AMHR2: variants seen among roughly 807,000 people sequenced by gnomAD.
AMHR2 encodes the protein anti-Muellerian hormone type-2 receptor.
Under a neutral mutation model 61.4 loss-of-function variants are expected in AMHR2, and 36 were observed. The observed-to-expected ratio is 0.59, with a 90% CI of 0.45 to 0.77. The LOEUF (loss-of-function observed/expected upper bound fraction) is 0.77. AMHR2 is among the 30% of genes least tolerant of loss of function. The pLI, the probability that AMHR2 is intolerant of heterozygous loss-of-function variation, is 0.00. For synonymous variants in AMHR2, 258 were observed against 279.4 expected, an observed-to-expected ratio of 0.92 and a Z score of 0.76; for missense variants, 638 against 714.6, an observed-to-expected ratio of 0.89 and a Z score of 1.22.
At chr12:53,429,369 G>A (rs891133200) in intron 7 of AMHR2, 84 bp from the exon 8 acceptor site, 141 of 1,453,848 alleles carry the variant, frequency 9.7e-5, no homozygotes, top group Non-Finnish European at 1.3e-4. Flanking sequence ...TCCAGCCTGG[G>A]CGACAGAGCG....
chr12:53,425,863 G>C lies in AMHR2; in HGVS notation c.796G>C (p.Gly266Arg), dbSNP rs1252732146. 1.9e-6 allele frequency: 3 copies of C among 1,614,022 alleles called. No individual in the cohort carries two copies. Among genetic ancestry groups the C allele is most frequent in the East Asian group, 4.5e-5 (2 of 44,894 alleles). The change falls in exon 6 of 11, where the codon GGG (glycine) becomes CGG (arginine). Residue 266 changes from glycine to arginine, a missense_variant. Physicochemically the swap from Gly to Arg is moderately radical, Grantham distance 125. Coordinates refer to ENST00000257863, the MANE Select transcript of AMHR2 (RefSeq NM_020547.3). The stretch of plus-strand genomic sequence containing the variant: ...TGTCCGATTTATCACTGCCAGCCGG[G>C]GGGGTCCTGGCCGCCTGCTCTCTGG... ...HIVRFITASR[G>R]GPGRLLSGPL... is the part of the protein sequence containing the mutation.
At chr12:53,431,047 A>C (rs558829358) in intron 10 of AMHR2, 130 bp from the exon 11 acceptor site, 69 of 1,181,086 alleles carry the variant, frequency 5.8e-5, no homozygotes, top group Non-Finnish European at 8.1e-5. Context: ...GAGGGAGAGG[A>C]GGGAGGCTCC....
chr12:53,429,368 G>A (rs1939904561), intron 7 of AMHR2, 85 bp from the exon 8 acceptor site: 3 of 1,449,058 alleles, frequency 2.1e-6, no homozygotes, highest in African/African-American at 2.8e-5. Flanking sequence ...CTCCAGCCTG[G>A]GCGACAGAGC....
In AMHR2 at chr12:53,424,803, C is replaced by T. The variant is rs147584433; in HGVS notation, c.327C>T (p.Cys109=). 17 of 1,613,960 alleles carry T rather than the reference C, an allele frequency of 1.1e-5. No homozygotes were observed. The African/African-American group carries it at 2.0e-4, about 19-fold the overall frequency. ...HPSPGSTLFT[C]SCGTDFCNAN... is the part of the protein sequence containing the mutation. Reference sequence around the variant, plus strand: ...GCCCTGGCTCCACTCTCTTCACCTGCTCCTGTGGCACTGACTTCTGCAATG... The same window carrying T: ...GCCCTGGCTCCACTCTCTTCACCTGTTCCTGTGGCACTGACTTCTGCAATG... Residue 109 remains cysteine (C), a synonymous_variant, in exon 3 of 11, where the codon TGC becomes TGT. Transcript: ENST00000257863.
Position 53,425,534 on chromosome 12 carries a change from T to C in AMHR2, c.582T>C (p.Ser194=), listed in dbSNP as rs115935733. The C allele has an allele frequency of 2.5e-6, 4 of 1,612,956 alleles. No individual in the cohort carries two copies. The highest frequency in any genetic ancestry group is 3.4e-6 in the Non-Finnish European group (4 of 1,179,752). ...EPRPDSGRDW[S]VELQELPELC... The stretch of plus-strand genomic sequence containing the variant: ...GGCCAGACTCAGGCAGGGACTGGAG[T>C]GTGGAGCTGCAGGAGCTGCCTGAGC... The change falls in exon 5 of 11, where the codon AGT becomes AGC. Residue 194 remains serine (S), a synonymous_variant. Transcript: ENST00000257863.
At chr12:53,429,151 G>A (rs1347881058) in intron 7 of AMHR2, 141 bp downstream of exon 7, 1 of 838,736 alleles carries the variant, frequency 1.2e-6, no homozygotes, top group African/African-American at 1.7e-5. Flanking sequence ...CCAGCACTTT[G>A]GGAGGCCGAG....
chr12:53,425,318 C>G, intron 4 of AMHR2, 76 bp downstream of exon 4: 4 of 1,608,058 alleles, frequency 2.5e-6, no homozygotes, highest in Non-Finnish European at 3.4e-6. Flanking sequence ...CCAGGCACCC[C>G]TGACCCCATG....
At position 53,424,255 on chromosome 12, in the gene AMHR2, T is replaced by C. The variant is rs760164737; in HGVS notation, c.50-33T>C. 7 of 1,612,054 alleles carry C rather than the reference T, an allele frequency of 4.3e-6. No individual in the cohort carries two copies. The South Asian group carries it at 7.7e-5, about 18-fold the overall frequency. On this transcript the variant is annotated intron_variant, in intron 1 of 10. Coordinates refer to ENST00000257863, the MANE Select transcript of AMHR2 (RefSeq NM_020547.3). ...TTTGCCTCTGCATTCACTCCCACCT[T>C]GAATCTTTTCCTTTCCCCACCCTGG...
At chr12:53,424,638 T>C in intron 2 of AMHR2, 71 bp from the exon 3 acceptor site, 1 of 1,551,106 alleles carries the variant, frequency 6.4e-7, no homozygotes, top group Middle Eastern at 1.7e-4. Context: ...TTACCCTCTG[T>C]TTCCACACCC....
At chr12:53,424,108 A>G in intron 1 of AMHR2, 125 bp downstream of exon 1, 2 of 1,340,178 alleles carry the variant, frequency 1.5e-6, no homozygotes, top group Non-Finnish European at 2.1e-6. Context: ...TGAAGGATAG[A>G]GCCATGTGTC....
intron 6 of AMHR2, among the ~76,000 whole-genome samples, chr12:53,426,542 G>T (rs932691673): frequency 6.6e-6 from 1 of 151,250 alleles, no homozygotes; most frequent in Non-Finnish European, 1.5e-5. Flanking sequence ...AGGAGCACCT[G>T]AGCCTGGGGA....
At chr12:53,429,349 G>C in intron 7 of AMHR2, 104 bp from the exon 8 acceptor site, 4 of 1,279,810 alleles carry the variant, frequency 3.1e-6, no homozygotes, top group Non-Finnish European at 4.5e-6. Context: ...CCGAGATCGC[G>C]ACACTGCACT....
chr12:53,425,569 C>G lies in AMHR2; in HGVS notation c.617C>G (p.Ser206Cys), dbSNP rs200459389. Reference sequence around the variant, plus strand: ...CAGGAGCTGCCTGAGCTGTGTTTCTCCCAGGTGCCCCAGGGAGGGAGAGAA... The same window carrying G: ...CAGGAGCTGCCTGAGCTGTGTTTCTGCCAGGTGCCCCAGGGAGGGAGAGAA... ...ELQELPELCF[S>C]QVIREGGHAV... is the part of the protein sequence containing the mutation. The change falls in exon 5 of 11, where the codon TCC becomes TGC. Residue 206 changes from serine to cysteine, a missense_variant. Coordinates refer to ENST00000257863, the MANE Select transcript of AMHR2 (RefSeq NM_020547.3). 5.6e-6 allele frequency: 9 copies of G among 1,613,870 alleles called. No individual in the cohort carries two copies. The South Asian group carries it at 8.8e-5, about 16-fold the overall frequency.
chr12:53,424,760 G>T lies in AMHR2; in HGVS notation c.284G>T (p.Ser95Ile). ...TGTGAGTCCCTCCACTGTGACCCAA[G>T]TCCCCGAGCCCACCCCAGCCCTGGC... is the stretch of plus-strand genomic sequence containing the variant. Reference protein sequence around the residue: ...PGCESLHCDPSPRAHPSPGST... With the variant: ...PGCESLHCDPIPRAHPSPGST... The change falls in exon 3 of 11, where the codon AGT becomes ATT. Residue 95 changes from serine (S) to isoleucine (I), a missense_variant. Ser to Ile is a moderately radical substitution (Grantham distance 142). Coordinates refer to ENST00000257863, the MANE Select transcript of AMHR2 (RefSeq NM_020547.3). The T allele has an allele frequency of 6.2e-7, 1 of 1,613,738 alleles. No homozygotes were observed. Among genetic ancestry groups the T allele is most frequent in the Non-Finnish European group, 8.5e-7 (1 of 1,179,892 alleles).
At chr12:53,431,155 T>G (rs1027677935) in intron 10 of AMHR2, 22 bp from the exon 11 acceptor site, 22 of 1,613,408 alleles carry the variant, frequency 1.4e-5, no homozygotes, top group Non-Finnish European at 1.9e-5. Context: ...GGTCAACCCT[T>G]CCTCCCTGTC....
At chr12:53,430,422 C>G (rs1157193906) in intron 10 of AMHR2, 140 bp downstream of exon 10, 21 of 1,339,176 alleles carry the variant, frequency 1.6e-5, no homozygotes, top group South Asian at 1.5e-4. Flanking sequence ...TCAGCTGGAA[C>G]TGGGCAAGCC....
At position 53,424,830 on chromosome 12, in the gene AMHR2, C is replaced by T. The variant is rs1939403351; in HGVS notation, c.354C>T (p.Ala118=). 2 of 1,613,998 alleles carry T rather than the reference C, an allele frequency of 1.2e-6. No homozygotes were observed. Among genetic ancestry groups the T allele is most frequent in the Non-Finnish European group, 1.7e-6 (2 of 1,179,990 alleles). The change falls in exon 3 of 11, where the codon GCC becomes GCT. Residue 118 remains alanine, a synonymous_variant. Transcript: ENST00000257863. ...TCSCGTDFCN[A]NYSHLPPPGS... is the part of the protein sequence containing the mutation. ...CCTGTGGCACTGACTTCTGCAATGCCAATTACAGCCATCTGCCTCCTCCAG... is the reference window on the plus strand; with the variant it reads ...CCTGTGGCACTGACTTCTGCAATGCTAATTACAGCCATCTGCCTCCTCCAG...
intron 7 of AMHR2, 149 bp downstream of exon 7, chr12:53,429,159 G>A (rs1165808484): frequency 7.5e-6 from 6 of 795,784 alleles, no homozygotes; most frequent in South Asian, 1.5e-5. Flanking sequence ...TTGGGAGGCC[G>A]AGGTGGGCGG....
intron 6 of AMHR2, among the ~76,000 whole-genome samples, chr12:53,427,340 T>A (rs1939703081): frequency 6.6e-6 from 1 of 152,248 alleles, no homozygotes; most frequent in Non-Finnish European, 1.5e-5. Flanking sequence ...TGGGGCTTTT[T>A]AAGTTTTCAT....
Sources: allele counts gnomAD v4.1 joint callset (sites outside exome capture counted in the v4.1 genomes callset), GRCh38; gene constraint gnomAD v4.1.1; transcripts MANE v1.5; gene names NCBI Gene and HGNC (gene_info 2026-07-23, HGNC 2026-07-21).